Variants in EBF4 observed in about 807,000 individuals in gnomAD.
The protein encoded by EBF4 is transcription factor COE4.
Under a neutral mutation model 67.1 loss-of-function variants are expected in EBF4, and 34 were observed. The observed-to-expected ratio is 0.51, with a 90% CI of 0.39 to 0.67. The LOEUF is 0.67. EBF4 is among the 30% of genes least tolerant of loss of function. The probability of loss-of-function intolerance (pLI) is 0.00; values close to 1 mark genes in which losing one functional copy is unlikely to be tolerated. For synonymous variants in EBF4, 387 were observed against 377.7 expected, an observed-to-expected ratio of 1.02 and a Z score of -0.29; for missense variants, 837 against 873.3, an observed-to-expected ratio of 0.96 and a Z score of 0.52.
At chr20:2,723,600 C>T (rs1324338315) in intron 6 of EBF4, among the ~76,000 whole-genome samples, 4 of 152,102 alleles carry the variant, frequency 2.6e-5, no homozygotes, top group African/African-American at 7.2e-5. Context: ...CCACCCGCCT[C>T]GGCCTCCCAA....
chr20:2,755,951 G>A lies in EBF4; in HGVS notation c.1738+127G>A. ...GCTGGCTAACCTGCTCTTCTTGGAG[G>A]ACGGAGAGCAGGGAGCTCTGCTGGG... On this transcript the variant is annotated intron_variant, in intron 15 of 16. Transcript: ENST00000609451. This position sits in a 1 kb window ranked among gnomAD's most constrained non-coding sequence, Gnocchi z 4.7. 9.9e-7 allele frequency: 1 copy of A among 1,005,330 alleles called. No individual in the cohort carries two copies. 62.3% of individuals were successfully genotyped at this position (1,005,330 alleles called of 1,614,324 possible). A position where few individuals can be genotyped will look rare whatever the true frequency, so the allele number is the denominator to read the frequency against.
rs902647561 is a variant in EBF4, at chr20:2,750,039, T to C, written c.1018+66T>C. On this transcript the variant is annotated intron_variant, in intron 10 of 16. Coordinates refer to ENST00000609451, the Ensembl canonical transcript of EBF4. ...GAGGGAGCCCCACCCTGCGCACTGG[T>C]CTCCGTTCTTGGTGATAGGAGTTAG... 42 of 1,484,982 alleles carry C rather than the reference T, an allele frequency of 2.8e-5. 1 individual carries two copies. In the East Asian group the frequency reaches 7.7e-4, roughly 27 times the overall value. 92.0% of individuals were successfully genotyped at this position (1,484,982 alleles called of 1,614,324 possible).
At chr20:2,709,143 C>T (rs1284273200) in intron 5 of EBF4, among the ~76,000 whole-genome samples, 3 of 152,276 alleles carry the variant, frequency 2.0e-5, no homozygotes, top group Non-Finnish European at 4.4e-5. Context: ...GCCAACATCA[C>T]GTCACTGTAC....
intron 6 of EBF4, among the ~76,000 whole-genome samples, chr20:2,727,206 A>G (rs894286780): frequency 6.6e-6 from 1 of 152,244 alleles, no homozygotes; most frequent in African/African-American, 2.4e-5. Context: ...TATTATATAC[A>G]TACATCGCAT....
At chr20:2,715,383 GT>G (rs1451592324) in intron 6 of EBF4, among the ~76,000 whole-genome samples, 1 of 152,136 alleles carries the variant, frequency 6.6e-6, no homozygotes, top group East Asian at 1.9e-4. Context: ...GCTGTAGTTT[GT>G]CATATTTAGT....
chr20:2,757,230 CAGGGCCTGGG>C (rs2088258853), intron 15 of EBF4, among the ~76,000 whole-genome samples: 1 of 152,194 alleles, frequency 6.6e-6, no homozygotes, highest in East Asian at 1.9e-4. Flanking sequence ...TGGGAAAGCT[CAGGGCCTGGG>C]AGAACAACTG....
chr20:2,695,939 T>C (rs1477442475), intron 1 of EBF4, among the ~76,000 whole-genome samples: 1 of 151,920 alleles, frequency 6.6e-6, no homozygotes, highest in Non-Finnish European at 1.5e-5. Context: ...TTCTTTTCCG[T>C]GTCCTAGTCC....
intron 1 of EBF4, 57 bp from the exon 2 acceptor site, chr20:2,705,520 G>A (rs1183198371): frequency 1.2e-5 from 18 of 1,550,786 alleles, no homozygotes; most frequent in Non-Finnish European, 2.6e-6. Flanking sequence ...CCGAGGCGCT[G>A]GAGTCTTTCT....
intron 6 of EBF4, among the ~76,000 whole-genome samples, chr20:2,732,935 A>G (rs2146450483): frequency 6.6e-6 from 1 of 152,306 alleles, no homozygotes; most frequent in Non-Finnish European, 1.5e-5. Context: ...ACAAAAATAC[A>G]TTTATGCTGT....
At chr20:2,735,543 G>A (rs2087866037) in intron 6 of EBF4, among the ~76,000 whole-genome samples, 1 of 152,220 alleles carries the variant, frequency 6.6e-6, no homozygotes, top group African/African-American at 2.4e-5. Flanking sequence ...CTTTATGGAA[G>A]AATGGATTTT....
intron 6 of EBF4, among the ~76,000 whole-genome samples, chr20:2,721,246 C>CT (rs146844927): frequency 0.2 from 21,370 of 107,934 alleles, 2,078 homozygotes; most frequent in African/African-American, 0.27. Flanking sequence ...TGATTCTCTT[C>CT]TTTTTTTTTT....
chr20:2,743,670 G>A (rs1033970669), intron 6 of EBF4, among the ~76,000 whole-genome samples: 1 of 151,948 alleles, frequency 6.6e-6, no homozygotes, highest in African/African-American at 2.4e-5. Context: ...GGAATAAGAT[G>A]GCCAAATTAG....
intron 6 of EBF4, among the ~76,000 whole-genome samples, chr20:2,725,885 T>C (rs1019587688): frequency 6.6e-6 from 1 of 152,234 alleles, no homozygotes; most frequent in Non-Finnish European, 1.5e-5. Flanking sequence ...CCCAATTAGA[T>C]TTCAACTCAC....
At chr20:2,693,559 G>GC (rs1293594140), upstream of EBF4, 21 of 1,285,734 alleles carry the variant, frequency 1.6e-5, no homozygotes, top group Non-Finnish European at 2.1e-5. The surrounding 1 kb of genome is among the most constrained non-coding windows in gnomAD (Gnocchi z 4.6). Context: ...GGCGCCTGGT[G>GC]CCGTCGGGTC....
intron 6 of EBF4, among the ~76,000 whole-genome samples, chr20:2,724,174 G>A (rs1308259185): frequency 1.3e-5 from 2 of 152,148 alleles, no homozygotes; most frequent in Non-Finnish European, 2.9e-5. Flanking sequence ...AATCAACCAT[G>A]CTGGGAACAT....
intron 6 of EBF4, among the ~76,000 whole-genome samples, chr20:2,746,787 A>C (rs2088056848): frequency 6.6e-6 from 1 of 152,182 alleles, no homozygotes; most frequent in African/African-American, 2.4e-5. Context: ...AGTAAATAGT[A>C]TGGTAAAAAT....
At chr20:2,695,902 T>C (rs889764717) in intron 1 of EBF4, among the ~76,000 whole-genome samples, 3 of 152,208 alleles carry the variant, frequency 2.0e-5, no homozygotes, top group South Asian at 2.1e-4. Context: ...CACCCCACAG[T>C]TGCCTGATTG....
At chr20:2,740,332 G>A (rs1267649021) in intron 6 of EBF4, among the ~76,000 whole-genome samples, 3 of 152,176 alleles carry the variant, frequency 2.0e-5, no homozygotes, top group Non-Finnish European at 4.4e-5. Context: ...ATAGATTTAT[G>A]TTAATTAAAA....
rs1030387142 is a variant in EBF4, at chr20:2,751,415, A to T, written c.1019-285A>T. Reference sequence around the variant, plus strand: ...TGTGTATACGGTTTCCCTTTTTTCTAATCACAAATGGGTGCATGTGTGTTC... The same window carrying T: ...TGTGTATACGGTTTCCCTTTTTTCTTATCACAAATGGGTGCATGTGTGTTC... On this transcript the variant is annotated intron_variant, in intron 10 of 16. Transcript: ENST00000609451. The surrounding 1 kb of genome is among the most constrained non-coding windows in gnomAD (Gnocchi z 5.2). Among the ~76,000 whole-genome samples the T allele has an allele frequency of 6.6e-6, 1 of 152,154 alleles. No homozygotes were observed. Among genetic ancestry groups the T allele is most frequent in the Non-Finnish European group, 1.5e-5 (1 of 68,012 alleles).
Sources: allele counts gnomAD v4.1 joint callset (sites outside exome capture counted in the v4.1 genomes callset), GRCh38; gene constraint gnomAD v4.1.1; non-coding constraint Gnocchi (gnomAD v3.1); transcripts MANE v1.5; gene names NCBI Gene and HGNC (gene_info 2026-07-23, HGNC 2026-07-21).